Variants in PACS1 observed in about 807,000 individuals in gnomAD.
PACS1 encodes PACS-1.
Under a neutral mutation model 115.0 loss-of-function variants are expected in PACS1, and 24 were observed. That is an observed-to-expected ratio of 0.21 (90% CI 0.15 to 0.29). The LOEUF (loss-of-function observed/expected upper bound fraction) is 0.29, where lower values mean the gene tolerates loss of function less well. Ranked by LOEUF, PACS1 falls within the 10% of genes least tolerant of loss-of-function variation. The pLI, the probability that PACS1 is intolerant of heterozygous loss-of-function variation, is 1.00. For synonymous variants in PACS1, 453 were observed against 504.5 expected, an observed-to-expected ratio of 0.90 and a Z score of 1.37; for missense variants, 838 against 1,251.2, an observed-to-expected ratio of 0.67 and a Z score of 4.98.
intron 4 of PACS1, among the ~76,000 whole-genome samples, chr11:66,213,830 G>A (rs1855135101): frequency 1.3e-5 from 2 of 151,968 alleles, no homozygotes; most frequent in Non-Finnish European, 1.5e-5. Flanking sequence ...TCAGGAGATC[G>A]AAACCATCCT....
At chr11:66,212,126 T>G (rs1312900702) in intron 4 of PACS1, among the ~76,000 whole-genome samples, 1 of 151,964 alleles carries the variant, frequency 6.6e-6, no homozygotes, top group Non-Finnish European at 1.5e-5. Flanking sequence ...CTTTTAATTT[T>G]TTTTATTTTT....
intron 10 of PACS1, among the ~76,000 whole-genome samples, chr11:66,226,108 G>A (rs985200640): frequency 2.0e-5 from 3 of 152,182 alleles, no homozygotes; most frequent in Non-Finnish European, 2.9e-5. Context: ...GGAGGCAGAG[G>A]TTGCAGTGAG....
rs1342589063 is a variant in PACS1, at chr11:66,203,059, A to G, written c.445-7303A>G. Among the ~76,000 whole-genome samples the G allele has an allele frequency of 2.0e-5, 3 of 152,090 alleles. No homozygotes were observed. The East Asian group carries it at 5.8e-4, about 29-fold the overall frequency. On this transcript the variant is annotated intron_variant, in intron 2 of 23. Transcript: ENST00000320580. ...ATAAAGGCATCCAGATTGGAAAGGAAGAAATCAAATTATCCTTGTTTGCAA... is the reference window on the plus strand; with the variant it reads ...ATAAAGGCATCCAGATTGGAAAGGAGGAAATCAAATTATCCTTGTTTGCAA...
At chr11:66,117,801 C>T (rs1011896399) in intron 1 of PACS1, among the ~76,000 whole-genome samples, 3 of 151,720 alleles carry the variant, frequency 2.0e-5, no homozygotes, top group Non-Finnish European at 4.4e-5. Context: ...GCCGAGATTG[C>T]GCCATTGCAC....
At chr11:66,209,519 T>C (rs1022119811) in intron 2 of PACS1, among the ~76,000 whole-genome samples, 1 of 152,166 alleles carries the variant, frequency 6.6e-6, no homozygotes. Context: ...GTGATAACCT[T>C]TTATGCACCC....
At chr11:66,127,795 C>G (rs1411514951) in intron 1 of PACS1, among the ~76,000 whole-genome samples, 3 of 152,108 alleles carry the variant, frequency 2.0e-5, no homozygotes, top group Non-Finnish European at 1.5e-5. Context: ...TTTTTAGTTA[C>G]TTGAGGGAAA....
In PACS1 at chr11:66,237,708, C is replaced by T. The variant is rs189972467; in HGVS notation, c.2251-1096C>T. Among the ~76,000 whole-genome samples, 11 of 152,214 alleles carry T rather than the reference C, an allele frequency of 7.2e-5. No individual in the cohort carries two copies. The East Asian group carries it at 1.9e-3, about 27-fold the overall frequency. ...TTGCTGCTCACTCAGGCCTCGCAAC[C>T]GAGAGAGACAGAGAGATAACAAATT... On this transcript the variant is annotated intron_variant, in intron 19 of 23. Coordinates refer to ENST00000320580, the MANE Select transcript of PACS1 (RefSeq NM_018026.4).
At chr11:66,154,691 C>A (rs768629452) in intron 1 of PACS1, among the ~76,000 whole-genome samples, 43 of 152,058 alleles carry the variant, frequency 2.8e-4, no homozygotes, top group Non-Finnish European at 4.4e-5. Flanking sequence ...CTGAAAACTA[C>A]AAAATATTAG....
intron 1 of PACS1, among the ~76,000 whole-genome samples, chr11:66,161,761 T>C (rs1178440780): frequency 6.6e-6 from 1 of 152,210 alleles, no homozygotes; most frequent in Non-Finnish European, 1.5e-5. Flanking sequence ...CATTTTTTTT[T>C]CCTACGGAAA....
chr11:66,209,634 G>A (rs930145550), intron 2 of PACS1, among the ~76,000 whole-genome samples: 2 of 152,154 alleles, frequency 1.3e-5, no homozygotes, highest in African/African-American at 4.8e-5. Flanking sequence ...TTTGGGCCGG[G>A]CTCAGTGACT....
intron 1 of PACS1, among the ~76,000 whole-genome samples, chr11:66,086,230 C>CG (rs1340762391): frequency 5.1e-4 from 77 of 151,554 alleles, no homozygotes; most frequent in African/African-American, 1.8e-3. Flanking sequence ...CTCCGCCCCC[C>CG]GGGGTTCACG....
chr11:66,214,527 C>T (rs1449891151), intron 4 of PACS1, among the ~76,000 whole-genome samples: 1 of 151,344 alleles, frequency 6.6e-6, no homozygotes, highest in Non-Finnish European at 1.5e-5. Flanking sequence ...TCTTTCCTTT[C>T]CTTCCTTTCC....
chr11:66,202,513 G>A (rs959221230), intron 2 of PACS1, among the ~76,000 whole-genome samples: 1 of 151,662 alleles, frequency 6.6e-6, no homozygotes, highest in Non-Finnish European at 1.5e-5. Flanking sequence ...GGATGTGCAA[G>A]GATGGTTCAG....
intron 16 of PACS1, 60 bp from the exon 17 acceptor site, chr11:66,234,071 GC>G (rs1265354308): frequency 1.3e-6 from 2 of 1,525,508 alleles, no homozygotes; most frequent in Non-Finnish European, 1.8e-6. Context: ...GCCAGGGACA[GC>G]TGCTCCCACA....
At chr11:66,178,866 A>G (rs1238167650) in intron 1 of PACS1, among the ~76,000 whole-genome samples, 4 of 152,200 alleles carry the variant, frequency 2.6e-5, no homozygotes, top group Non-Finnish European at 1.5e-5. Flanking sequence ...ATATATAATT[A>G]TTTTGAAAAT....
chr11:66,234,256 G>T lies in PACS1; in HGVS notation c.2104+14G>T, dbSNP rs1309311657. The T allele has an allele frequency of 1.9e-6, 3 of 1,578,380 alleles. No individual in the cohort carries two copies. The highest frequency in any genetic ancestry group is 2.7e-5 in the African/African-American group (2 of 74,184). ...CACCAGTGTCAGGTAATGGCCCCGT[G>T]TAAGGAGCTTACTCCCACCCCCGGG... On this transcript the variant is annotated intron_variant, in intron 17 of 23. Transcript: ENST00000320580.
rs574566223 is a variant in PACS1, at chr11:66,206,005, C to T, written c.445-4357C>T. On this transcript the variant is annotated intron_variant, in intron 2 of 23. Coordinates refer to ENST00000320580, the MANE Select transcript of PACS1 (RefSeq NM_018026.4). ...TCTACTAAAAATACAAAAATTAGCC[C>T]GGCATTTTGGCACATGCCTGTAGTG... Among the ~76,000 whole-genome samples, 9 of 152,166 alleles carry T rather than the reference C, an allele frequency of 5.9e-5. No individual in the cohort carries two copies. In the South Asian group the frequency reaches 1.2e-3, roughly 21 times the overall value.
chr11:66,074,435 C>T (rs1030901824), intron 1 of PACS1, among the ~76,000 whole-genome samples: 1 of 152,138 alleles, frequency 6.6e-6, no homozygotes, highest in African/African-American at 2.4e-5. Context: ...GATCCCTTCC[C>T]TTCTGCCTTT....
rs1171843141 is a variant in PACS1, at chr11:66,235,500, C to A, written c.2207+97C>A. On this transcript the variant is annotated intron_variant, in intron 18 of 23. Transcript: ENST00000320580. The surrounding 1 kb of genome is among the most constrained non-coding windows in gnomAD (Gnocchi z 5.6). ...TTCTCACATTTTCCTTCTCCACATG[C>A]TATATTCCTTCATAGGAACCCAAAA... 2 of 886,144 alleles carry A rather than the reference C, an allele frequency of 2.3e-6. No homozygotes were observed. Among genetic ancestry groups the A allele is most frequent in the Non-Finnish European group, 3.6e-6 (2 of 550,840 alleles). The allele number at this position is 886,144 out of a possible 1,614,324, so 54.9% of individuals were successfully genotyped here. A position where few individuals can be genotyped will look rare whatever the true frequency, so the allele number is the denominator to read the frequency against.
Sources: allele counts gnomAD v4.1 joint callset (sites outside exome capture counted in the v4.1 genomes callset), GRCh38; gene constraint gnomAD v4.1.1; non-coding constraint Gnocchi (gnomAD v3.1); transcripts MANE v1.5; gene names NCBI Gene and HGNC (gene_info 2026-07-23, HGNC 2026-07-21).